Variants in XIRP2 observed in about 807,000 individuals in gnomAD.
XIRP2 encodes the protein xin actin-binding repeat-containing protein 2.
XIRP2 carries 236 observed loss-of-function variants against 277.0 expected under a neutral mutation model. The ratio of observed to expected loss-of-function variants is 0.85; its 90% CI spans 0.77 to 0.95. The LOEUF is 0.95. Among genes scored for constraint, XIRP2 ranks in the 40% least tolerant of loss-of-function variants. The pLI is 0.00. For synonymous variants in XIRP2, 1,490 were observed against 1,416.5 expected, an observed-to-expected ratio of 1.05 and a Z score of -1.17; for missense variants, 4,640 against 4,157.5, an observed-to-expected ratio of 1.12 and a Z score of -3.19.
chr2:167,081,292 C>A (rs571545799), intron 2 of XIRP2, among the ~76,000 whole-genome samples: 22 of 152,102 alleles, frequency 1.4e-4, no homozygotes, highest in African/African-American at 5.1e-4. Context: ...ACAGCAAGAC[C>A]CTCATGTCTG....
At chr2:167,171,594 C>T (rs1692691421) in intron 3 of XIRP2, among the ~76,000 whole-genome samples, 1 of 152,154 alleles carries the variant, frequency 6.6e-6, no homozygotes, top group African/African-American at 2.4e-5. Flanking sequence ...ATAATGTTTT[C>T]AAGTTTTCTA....
intron 2 of XIRP2, among the ~76,000 whole-genome samples, chr2:166,939,659 G>A (rs1204496882): frequency 1.6e-4 from 15 of 95,832 alleles, no homozygotes; most frequent in Admixed American, 1.0e-3. Flanking sequence ...TGGCCTGGGC[G>A]AAAGAGCAAG....
At chr2:166,914,309 T>C (rs1684799175) in intron 2 of XIRP2, among the ~76,000 whole-genome samples, 1 of 152,136 alleles carries the variant, frequency 6.6e-6, no homozygotes, top group Non-Finnish European at 1.5e-5. Context: ...CTTCTGGAAC[T>C]CTAAGATAAT....
At chr2:167,021,175 A>G (rs1223938341) in intron 2 of XIRP2, among the ~76,000 whole-genome samples, 1 of 152,102 alleles carries the variant, frequency 6.6e-6, no homozygotes, top group African/African-American at 2.4e-5. Context: ...CTATCCTTCT[A>G]GAAAAGCTGT....
intron 3 of XIRP2, among the ~76,000 whole-genome samples, chr2:167,201,407 A>T (rs995666256): frequency 7.2e-6 from 1 of 139,496 alleles, no homozygotes; most frequent in African/African-American, 3.0e-5. Context: ...TTCAGTATAT[A>T]CCTGTGATGC....
At chr2:167,090,437 A>G (rs1204414936) in intron 2 of XIRP2, among the ~76,000 whole-genome samples, 4 of 151,866 alleles carry the variant, frequency 2.6e-5, no homozygotes, top group Non-Finnish European at 5.9e-5. Context: ...AAAACACTTT[A>G]TGGTCTTTTG....
chr2:166,982,442 C>G (rs1686897999), intron 2 of XIRP2, among the ~76,000 whole-genome samples: 1 of 150,664 alleles, frequency 6.6e-6, no homozygotes, highest in South Asian at 2.1e-4. Context: ...ATTTTCTGTC[C>G]CTTTTTTTCA....
intron 2 of XIRP2, among the ~76,000 whole-genome samples, chr2:166,922,844 G>T (rs1443636715): frequency 6.9e-6 from 1 of 145,642 alleles, no homozygotes; most frequent in African/African-American, 2.5e-5. Flanking sequence ...TTAAAGAAAG[G>T]TAACCAGGGG....
chr2:167,130,727 G>C (rs1438298094), intron 2 of XIRP2, among the ~76,000 whole-genome samples: 2 of 151,696 alleles, frequency 1.3e-5, no homozygotes, highest in Non-Finnish European at 2.9e-5. Context: ...TAGATCTCTT[G>C]GTGGCGACCT....
intron 2 of XIRP2, among the ~76,000 whole-genome samples, chr2:167,069,149 A>G (rs1689376604): frequency 1.3e-5 from 2 of 152,312 alleles, no homozygotes; most frequent in Non-Finnish European, 2.9e-5. Flanking sequence ...TAGATTAGTT[A>G]TAATACCTAA....
Position 167,242,793 on chromosome 2 carries a change from A to G in XIRP2, c.1401A>G (p.Thr467=). 6.2e-7 allele frequency: 1 copy of G among 1,614,106 alleles called. No homozygotes were observed. Among genetic ancestry groups the G allele is most frequent in the Non-Finnish European group, 8.5e-7 (1 of 1,179,946 alleles). Residue 467 remains threonine (T), a synonymous_variant, in exon 9 of 11, where the codon ACA becomes ACG. Coordinates refer to ENST00000409195, the MANE Select transcript of XIRP2 (RefSeq NM_152381.6). The part of the protein sequence containing the change: ...PDVLQTSVDV[T]AFSQSPELPS... The stretch of plus-strand genomic sequence containing the variant: ...TACTTCAAACTTCAGTAGATGTGAC[A>G]GCATTTTCCCAGTCCCCTGAACTGC...
intron 2 of XIRP2, among the ~76,000 whole-genome samples, chr2:166,929,711 T>A (rs1685278037): frequency 6.6e-6 from 1 of 152,180 alleles, no homozygotes; most frequent in East Asian, 1.9e-4. Context: ...GTTCTTTAAT[T>A]TCTTATGCTG....
intron 2 of XIRP2, among the ~76,000 whole-genome samples, chr2:167,027,057 A>C (rs1278596109): frequency 3.3e-5 from 5 of 152,052 alleles, no homozygotes; most frequent in South Asian, 2.1e-4. Context: ...GCCTGCCTTT[A>C]TAGATTGGGG....
At chr2:167,054,678 A>G (rs1688998387) in intron 2 of XIRP2, among the ~76,000 whole-genome samples, 2 of 136,198 alleles carry the variant, frequency 1.5e-5, no homozygotes, top group African/African-American at 6.2e-5. Context: ...AGTGAGACTC[A>G]GTCGCAAAAA....
Position 167,247,676 on chromosome 2 carries a change from C to A in XIRP2, c.6284C>A (p.Thr2095Asn), listed in dbSNP as rs779690788. 1 of 1,613,552 alleles carries A rather than the reference C, an allele frequency of 6.2e-7. No homozygotes were observed. Among genetic ancestry groups the A allele is most frequent in the South Asian group, 1.1e-5 (1 of 91,058 alleles). ...STVSVKNNLT[T>N]KESDRAVREL... ...GTGTCAGTTAAGAATAATCTAACAACTAAAGAATCAGACAGGGCAGTGAGA... is the reference window on the plus strand; with the variant it reads ...GTGTCAGTTAAGAATAATCTAACAAATAAAGAATCAGACAGGGCAGTGAGA... The change falls in exon 9 of 11, where the codon ACT (threonine) becomes AAT (asparagine). Residue 2095 changes from threonine (T) to asparagine (N), a missense_variant. Coordinates refer to ENST00000409195, the MANE Select transcript of XIRP2 (RefSeq NM_152381.6).
At chr2:167,032,517 G>T (rs1356058819) in intron 2 of XIRP2, among the ~76,000 whole-genome samples, 1 of 152,024 alleles carries the variant, frequency 6.6e-6, no homozygotes, top group Non-Finnish European at 1.5e-5. Flanking sequence ...CAGTCAACCT[G>T]CAGAATGGGA....
At chr2:167,120,739 A>G (rs1385910299) in intron 2 of XIRP2, among the ~76,000 whole-genome samples, 1 of 152,172 alleles carries the variant, frequency 6.6e-6, no homozygotes, top group Admixed American at 6.6e-5. Context: ...AAATCTCAGC[A>G]TGACATAATT....
intron 2 of XIRP2, among the ~76,000 whole-genome samples, chr2:167,024,438 C>T (rs1220173815): frequency 6.6e-6 from 1 of 151,942 alleles, no homozygotes; most frequent in African/African-American, 2.4e-5. Context: ...AATTGAATAC[C>T]CTTTATTTCC....
chr2:167,201,344 A>AGAAGGAAG (rs374953132), intron 3 of XIRP2, among the ~76,000 whole-genome samples: 1 of 103,152 alleles, frequency 9.7e-6, no homozygotes, highest in Non-Finnish European at 1.9e-5. Context: ...AAGGAAGGAA[A>AGAAGGAAG]GAAGGAAGGA....
Sources: allele counts gnomAD v4.1 joint callset (sites outside exome capture counted in the v4.1 genomes callset), GRCh38; gene constraint gnomAD v4.1.1; transcripts MANE v1.5; gene names NCBI Gene and HGNC (gene_info 2026-07-23, HGNC 2026-07-21).